Variants in SYNE1 observed in about 807,000 individuals in gnomAD.
SYNE1 encodes nesprin-1.
SYNE1 carries 616 observed loss-of-function variants against 1,111.0 expected under a neutral mutation model. The observed-to-expected ratio is 0.55, with a 90% CI of 0.52 to 0.59. SYNE1 has a LOEUF of 0.59. SYNE1 is among the 20% of genes least tolerant of loss of function. The pLI, the probability that SYNE1 is intolerant of heterozygous loss-of-function variation, is 0.00. For missense variants in SYNE1, 10,006 were observed against 10,417.0 expected (o/e 0.96, Z 1.72); for synonymous variants, 3,855 against 3,825.8 (o/e 1.01, Z -0.28).
At chr6:152,432,100 C>T (rs1484803649) in intron 34 of SYNE1, among the ~76,000 whole-genome samples, 3 of 152,010 alleles carry the variant, frequency 2.0e-5, no homozygotes, top group African/African-American at 4.8e-5. Context: ...AAAAATAAAT[C>T]CATCCAGGAG....
intron 91 of SYNE1, among the ~76,000 whole-genome samples, chr6:152,305,674 A>T (rs1218882257): frequency 6.6e-6 from 1 of 152,238 alleles, no homozygotes; most frequent in Admixed American, 6.5e-5. Context: ...ATTCAATTAA[A>T]ACAAGACAGA....
At position 152,416,494 on chromosome 6, in the gene SYNE1, T is replaced by C. The variant is rs1195163643; in HGVS notation, c.5943A>G (p.Lys1981=). The change falls in exon 41 of 146, where the codon AAA becomes AAG. Residue 1981 remains lysine, a synonymous_variant. Coordinates refer to ENST00000367255, the MANE Select transcript of SYNE1 (RefSeq NM_182961.4). ...GCTCCTCTTTCTGGTCTTGGAATGC[T>C]TTTTTCAACACTGCCAGAGCATCTG... ...SEADALAVLK[K]AFQDQKEELL... 1 of 1,614,122 alleles carries C rather than the reference T, an allele frequency of 6.2e-7. No homozygotes were observed. The highest frequency in any genetic ancestry group is 1.6e-4 in the Middle Eastern group (1 of 6,062).
rs562608910 is a variant in SYNE1 at position 152,164,386 on chromosome 6, C to T, written c.23628-61G>A. ...GAGAGGCCCACTCATGTTTCTCTAG[C>T]GTGCAGAGGAGAACACTGGGCTTTA... On this transcript the variant is annotated intron_variant, in intron 130 of 145. Transcript: ENST00000367255. The T allele has an allele frequency of 7.2e-5, 115 of 1,594,226 alleles. 2 individuals are homozygous for T. The highest frequency in any genetic ancestry group is 3.8e-4 in the Middle Eastern group (2 of 5,300).
rs1491115589 is a variant in SYNE1 at position 152,253,817 on chromosome 6, G to GTTTTTTTTTTTTTTTTTTT, written c.19470+1062_19470+1063insAAAAAAAAAAAAAAAAAAA. On this transcript the variant is annotated intron_variant, in intron 104 of 145. Coordinates refer to ENST00000367255, the MANE Select transcript of SYNE1 (RefSeq NM_182961.4). ...ATGCTACATTTATGTGTAGTGGTTT[G>GTTTTTTTTTTTTTTTTTTT]GTTTTTTTTTTTTTTTTTTTTTTTT... 2.4e-3 allele frequency among the ~76,000 whole-genome samples: 142 copies of GTTTTTTTTTTTTTTTTTTT among 59,154 alleles called. 55 individuals carry two copies. Among genetic ancestry groups the GTTTTTTTTTTTTTTTTTTT allele is most frequent in the East Asian group, 6.5e-3 (9 of 1,380 alleles). 38.8% of individuals were successfully genotyped at this position (59,154 alleles called of 152,430 possible). A position where few individuals can be genotyped will look rare whatever the true frequency, so the allele number is the denominator to read the frequency against.
At chr6:152,574,274 G>A (rs1199281552) in intron 3 of SYNE1, among the ~76,000 whole-genome samples, 1 of 149,986 alleles carries the variant, frequency 6.7e-6, no homozygotes, top group Non-Finnish European at 1.5e-5. Context: ...AAAAGGAGTA[G>A]GTTTAGAGAG....
chr6:152,534,683 C>G (rs1377778236), intron 4 of SYNE1, among the ~76,000 whole-genome samples: 1 of 152,082 alleles, frequency 6.6e-6, no homozygotes, highest in Admixed American at 6.6e-5. Context: ...ATCTTCCTGT[C>G]TGAGCTCATT....
Position 152,301,741 on chromosome 6 carries a change from T to A in SYNE1, c.17541+128A>T, listed in dbSNP as rs1010714. The A allele has an allele frequency of 0.61, 622,924 of 1,017,474 alleles. 194,818 individuals carry two copies. The highest frequency in any genetic ancestry group is 0.92 in the African/African-American group (56,446 of 61,670). 63.0% of individuals were successfully genotyped at this position (1,017,474 alleles called of 1,614,324 possible). On this transcript the variant is annotated intron_variant, in intron 92 of 145. Coordinates refer to ENST00000367255, the MANE Select transcript of SYNE1 (RefSeq NM_182961.4). Reference sequence around the variant, plus strand: ...ACGGTAGTCAAAGAGACTTAAGGAATCTGTTCCTCCCTCTGAATCTGCAAG... The same window carrying A: ...ACGGTAGTCAAAGAGACTTAAGGAAACTGTTCCTCCCTCTGAATCTGCAAG...
In SYNE1 at chr6:152,629,522, C is replaced by CGGGGGGGGGGGGGGGGG. The variant is rs766614719; in HGVS notation, c.-223-969_-223-968insCCCCCCCCCCCCCCCCC. Among the ~76,000 whole-genome samples, 4 of 6,136 alleles carry CGGGGGGGGGGGGGGGGG rather than the reference C, an allele frequency of 6.5e-4. 1 individual carries two copies. The highest frequency in any genetic ancestry group is 8.7e-4 in the African/African-American group (1 of 1,146). The allele number at this position is 6,136 out of a possible 152,430, so 4.0% of individuals were successfully genotyped here. On this transcript the variant is annotated intron_variant, in intron 2 of 145. Coordinates refer to ENST00000367255, the MANE Select transcript of SYNE1 (RefSeq NM_182961.4). ...TGCCTGGCTGGTTAAGTTTCATTGC[C>CGGGGGGGGGGGGGGGGG]GGGGGGGGGGGGGGGAGGGGGAGGG...
chr6:152,194,065 T>G (rs774334446), intron 127 of SYNE1, among the ~76,000 whole-genome samples: 1 of 152,016 alleles, frequency 6.6e-6, no homozygotes, highest in African/African-American at 2.4e-5. Context: ...GTTATAATAT[T>G]CTATGTTTTT....
chr6:152,463,139 C>A (rs1212611643), intron 19 of SYNE1, among the ~76,000 whole-genome samples: 1 of 152,174 alleles, frequency 6.6e-6, no homozygotes, highest in African/African-American at 2.4e-5. Flanking sequence ...CATATGTCAA[C>A]ATAATCCTTA....
At chr6:152,405,088 C>A (rs1451013939) in intron 45 of SYNE1, 1 of 152,240 alleles carries the variant, frequency 6.6e-6, no homozygotes, top group Non-Finnish European at 1.5e-5. Context: ...AGAAGCTGGC[C>A]GAGCAACTGA....
chr6:152,499,135 A>G (rs569693791), intron 10 of SYNE1, among the ~76,000 whole-genome samples: 53 of 152,268 alleles, frequency 3.5e-4, no homozygotes, highest in African/African-American at 1.2e-3. Context: ...CCCTATAAAT[A>G]TACACAGCAC....
rs200800604 is a variant in SYNE1, at chr6:152,180,261, A to G, written c.23335T>C (p.Leu7779=). Residue 7779 remains leucine (L), a synonymous_variant, in exon 129 of 146, where the codon TTG becomes CTG. Transcript: ENST00000367255. ...SLRRQQIGER[L]NEWAVFSEKN... ...TCACTGAAGACTGCCCATTCATTCA[A>G]TCTTTCACCTATTTGCTGCCGCCTT... The G allele has an allele frequency of 3.9e-5, 63 of 1,614,048 alleles. No individual in the cohort carries two copies. Among genetic ancestry groups the G allele is most frequent in the Non-Finnish European group, 5.1e-5 (60 of 1,180,020 alleles).
In SYNE1 at chr6:152,141,337, G is replaced by A. The variant is rs748716174; in HGVS notation, c.25120-8C>T. ...TTCGCCCAGCAGTTTCATCTGTTTA[G>A]ACATAAACAACCGGCCCCTGTCACC... On this transcript the variant is annotated splice_polypyrimidine_tract_variant and splice_region_variant and intron_variant, in intron 138 of 145. Transcript: ENST00000367255. The A allele has an allele frequency of 1.9e-6, 3 of 1,613,586 alleles. No individual in the cohort carries two copies. Among genetic ancestry groups the A allele is most frequent in the South Asian group, 1.1e-5 (1 of 91,058 alleles).
At chr6:152,579,986 T>A (rs912444262) in intron 3 of SYNE1, among the ~76,000 whole-genome samples, 1 of 152,224 alleles carries the variant, frequency 6.6e-6, no homozygotes, top group East Asian at 1.9e-4. Context: ...TGCATGAATG[T>A]GTCTTTATGG....
chr6:152,332,039 A>T (rs1241839157), intron 77 of SYNE1, 149 bp from the exon 78 acceptor site: 5 of 1,176,300 alleles, frequency 4.3e-6, no homozygotes, highest in African/African-American at 3.0e-5. Flanking sequence ...GAATGCTCTG[A>T]TCTCAGCTCA....
intron 131 of SYNE1, among the ~76,000 whole-genome samples, chr6:152,163,864 C>T (rs2063046969): frequency 6.6e-6 from 1 of 152,074 alleles, no homozygotes; most frequent in Non-Finnish European, 1.5e-5. Flanking sequence ...AATCTGTTAG[C>T]ACTGTTTTAG....
At position 152,330,478 on chromosome 6, in the gene SYNE1, T is replaced by TCA. The variant is rs773191472; in HGVS notation, c.14206_14207insTG (p.Lys4736MetfsTer28). The TCA allele has an allele frequency of 6.2e-7, 1 of 1,614,176 alleles. No homozygotes were observed. Among genetic ancestry groups the TCA allele is most frequent in the African/African-American group, 1.3e-5 (1 of 75,036 alleles). On this transcript the variant is annotated frameshift_variant, in exon 78 of 146. Transcript: ENST00000367255. LOFTEE classifies it high-confidence loss of function. ...ACCTGTGCTGCGAAAACCTTCTTTT[T>TCA]TCTGGTTCAGTTCATCCACCGCCTC...
Position 152,498,770 on chromosome 6 carries a change from G to C in SYNE1, c.911C>G (p.Ser304Cys), listed in dbSNP as rs1278870760. The C allele has an allele frequency of 6.4e-7, 1 of 1,556,922 alleles. No homozygotes were observed. ...EDDEILPGFP[S>C]FANSVQNFKR... The stretch of plus-strand genomic sequence containing the variant: ...AAAATTTTGTACAGAATTTGCAAAA[G>C]ATGGGAAACCTGGAAGTATTTCCTA... Residue 304 changes from serine to cysteine, a missense_variant, in exon 11 of 146, where the codon TCT (serine) becomes TGT (cysteine). Physicochemically the swap from Ser to Cys is moderately radical, Grantham distance 112. Coordinates refer to ENST00000367255, the MANE Select transcript of SYNE1 (RefSeq NM_182961.4).
Sources: allele counts gnomAD v4.1 joint callset (sites outside exome capture counted in the v4.1 genomes callset), GRCh38; gene constraint gnomAD v4.1.1; transcripts MANE v1.5; gene names NCBI Gene and HGNC (gene_info 2026-07-23, HGNC 2026-07-21).